SOX5: variants seen among roughly 807,000 people sequenced by gnomAD.
SOX5 encodes SRY-box transcription factor 5, also known as transcription factor SOX-5.
Under a neutral mutation model 92.0 loss-of-function variants are expected in SOX5, and 9 were observed. The ratio of observed to expected loss-of-function variants is 0.10; its 90% CI spans 0.06 to 0.17. The LOEUF (loss-of-function observed/expected upper bound fraction) is 0.17. Ranked by LOEUF, SOX5 falls within the 10% of genes least tolerant of loss-of-function variation. The probability of loss-of-function intolerance (pLI) is 1.00; values close to 1 mark genes in which losing one functional copy is unlikely to be tolerated. For synonymous variants in SOX5, 344 were observed against 336.3 expected, an observed-to-expected ratio of 1.02 and a Z score of -0.25; for missense variants, 642 against 944.5, an observed-to-expected ratio of 0.68 and a Z score of 4.20.
At chr12:24,356,486 A>T (rs1954841441) in intron 2 of SOX5, among the ~76,000 whole-genome samples, 1 of 152,052 alleles carries the variant, frequency 6.6e-6, no homozygotes, top group East Asian at 1.9e-4. Flanking sequence ...AACTACACTG[A>T]CAGTTTGACA....
intron 2 of SOX5, among the ~76,000 whole-genome samples, chr12:24,280,724 T>C (rs1020691653): frequency 7.2e-5 from 11 of 152,088 alleles, no homozygotes; most frequent in Non-Finnish European, 1.5e-4. Context: ...TTTCACATAT[T>C]GAGAAAGTAT....
At chr12:24,363,551 A>C (rs374412856) in intron 2 of SOX5, among the ~76,000 whole-genome samples, 92 of 152,344 alleles carry the variant, frequency 6.0e-4, no homozygotes, top group South Asian at 1.9e-3. Context: ...AATAACATTT[A>C]TGTATCATGT....
intron 1 of SOX5, among the ~76,000 whole-genome samples, chr12:24,537,035 C>T (rs1597721655): frequency 6.6e-6 from 1 of 152,160 alleles, no homozygotes; most frequent in South Asian, 2.1e-4. Flanking sequence ...AATATTATCA[C>T]GTGCTCCTGG....
At chr12:23,857,352 A>G (rs1039316145) in intron 2 of SOX5, among the ~76,000 whole-genome samples, 1 of 152,020 alleles carries the variant, frequency 6.6e-6, no homozygotes, top group African/African-American at 2.4e-5. Flanking sequence ...TAGAGGAGAA[A>G]GTAAAGATCT....
chr12:24,079,818 A>G (rs1370920766), intron 4 of SOX5, among the ~76,000 whole-genome samples: 2 of 151,914 alleles, frequency 1.3e-5, no homozygotes, highest in South Asian at 4.1e-4. Flanking sequence ...CCTGATTTTT[A>G]AACACCTTTT....
In SOX5 at chr12:24,087,539, G is replaced by C. The variant is rs114220471; in HGVS notation, c.-2+125804C>G. Reference sequence around the variant, plus strand: ...ACAAAGGTCTACACGGGGAGGATGAGTTTATTTTATCTTTGACAAAATGAT... The same window carrying C: ...ACAAAGGTCTACACGGGGAGGATGACTTTATTTTATCTTTGACAAAATGAT... On this transcript the variant is annotated intron_variant, in intron 4 of 4. Coordinates refer to the SOX5 transcript ENST00000446891. Among the ~76,000 whole-genome samples the C allele has an allele frequency of 6.2e-3, 947 of 152,142 alleles. 15 individuals carry two copies. The highest frequency in any genetic ancestry group is 0.022 in the African/African-American group (913 of 41,534).
intron 1 of SOX5, among the ~76,000 whole-genome samples, chr12:24,379,211 T>G (rs905346314): frequency 1.3e-5 from 2 of 152,232 alleles, no homozygotes; most frequent in Non-Finnish European, 2.9e-5. Context: ...AATGAAGAAG[T>G]TGTATTTCTC....
intron 9 of SOX5, chr12:23,584,485 T>C: frequency 1.7e-6 from 2 of 1,159,092 alleles, no homozygotes; most frequent in Non-Finnish European, 2.6e-6. Flanking sequence ...TCATTATGCA[T>C]AAGTCATTTA....
intron 1 of SOX5, among the ~76,000 whole-genome samples, chr12:23,901,790 A>C (rs979721034): frequency 2.0e-5 from 3 of 152,238 alleles, no homozygotes; most frequent in Non-Finnish European, 2.9e-5. Flanking sequence ...TCCAGTGTAC[A>C]TGTTACATGA....
chr12:24,050,102 A>G (rs1180343643), intron 4 of SOX5, among the ~76,000 whole-genome samples: 1 of 151,526 alleles, frequency 6.6e-6, no homozygotes, highest in African/African-American at 2.4e-5. Flanking sequence ...AAAAAAAAAA[A>G]AAAAGTGAAA....
At chr12:23,976,073 T>C (rs1948856385) in intron 4 of SOX5, among the ~76,000 whole-genome samples, 1 of 152,128 alleles carries the variant, frequency 6.6e-6, no homozygotes, top group Non-Finnish European at 1.5e-5. Context: ...AATTTTGTAT[T>C]TGACTCTCTT....
chr12:23,959,023 G>A (rs1038635349), intron 4 of SOX5, among the ~76,000 whole-genome samples: 3 of 151,744 alleles, frequency 2.0e-5, no homozygotes, highest in Non-Finnish European at 4.4e-5. Flanking sequence ...TTTAAAGAAA[G>A]CTTTAATACA....
At chr12:23,802,992 A>T (rs1188092591) in intron 3 of SOX5, among the ~76,000 whole-genome samples, 1 of 152,046 alleles carries the variant, frequency 6.6e-6, no homozygotes, top group Admixed American at 6.6e-5. Context: ...TTCAATCTTA[A>T]CTTTCCTGAA....
chr12:24,214,299 C>A (rs11835924), intron 3 of SOX5, among the ~76,000 whole-genome samples: 24,665 of 151,828 alleles, frequency 0.16, 2,241 homozygotes, highest in East Asian at 0.36. Flanking sequence ...GTCATAAAAG[C>A]AGAATTTAAT....
chr12:24,486,970 T>C (rs1946588728), intron 1 of SOX5, among the ~76,000 whole-genome samples: 1 of 152,184 alleles, frequency 6.6e-6, no homozygotes, highest in Non-Finnish European at 1.5e-5. Context: ...TGCTCATTTA[T>C]TCCAGGCTGG....
intron 1 of SOX5, among the ~76,000 whole-genome samples, chr12:24,551,980 A>G (rs541760256): frequency 2.0e-4 from 31 of 152,328 alleles, no homozygotes; most frequent in Admixed American, 1.0e-3. Flanking sequence ...GGATAAATAG[A>G]TCAACCTCTT....
At chr12:23,603,466 A>T (rs1482561498) in intron 9 of SOX5, among the ~76,000 whole-genome samples, 1 of 136,138 alleles carries the variant, frequency 7.3e-6, no homozygotes, top group Non-Finnish European at 1.6e-5. Flanking sequence ...ATATATATAT[A>T]TTTTGCTGGT....
At chr12:23,544,220 A>G (rs1008928140) in intron 12 of SOX5, among the ~76,000 whole-genome samples, 2 of 152,222 alleles carry the variant, frequency 1.3e-5, no homozygotes, top group Non-Finnish European at 2.9e-5. Context: ...AGAGTTAACA[A>G]CGATAGCTTT....
At chr12:24,334,544 G>C (rs1163200203) in intron 2 of SOX5, among the ~76,000 whole-genome samples, 1 of 152,092 alleles carries the variant, frequency 6.6e-6, no homozygotes, top group Non-Finnish European at 1.5e-5. Context: ...GCTCAATCCT[G>C]GCAAAGGGAC....
Sources: gnomAD v4.1 joint callset for allele counts (sites outside exome capture counted in the v4.1 genomes callset) on GRCh38, gnomAD v4.1.1 for gene constraint, MANE v1.5 for transcripts, NCBI Gene and HGNC (gene_info 2026-07-23, HGNC 2026-07-21) for gene names.